CAMTA1: variants seen among roughly 807,000 people sequenced by gnomAD.
CAMTA1 encodes calmodulin-binding transcription activator 1.
Under a neutral mutation model 170.9 loss-of-function variants are expected in CAMTA1, and 27 were observed. The ratio of observed to expected loss-of-function variants is 0.16; its 90% CI spans 0.12 to 0.22. The LOEUF is 0.22. Ranked by LOEUF, CAMTA1 falls within the 10% of genes least tolerant of loss-of-function variation. The pLI is 1.00. For missense variants in CAMTA1, 1,619 were observed against 2,217.2 expected, an observed-to-expected ratio of 0.73 and a Z score of 5.42; for synonymous variants, 833 against 891.5, an observed-to-expected ratio of 0.93 and a Z score of 1.17.
intron 3 of CAMTA1, among the ~76,000 whole-genome samples, chr1:6,926,616 CTTT>C (rs1683318889): frequency 7.4e-6 from 1 of 135,386 alleles, no homozygotes; most frequent in Non-Finnish European, 1.6e-5. Flanking sequence ...CTCATTCTTT[CTTT>C]CTCCCCTCCC....
chr1:7,411,349 C>T (rs1400506598), intron 5 of CAMTA1, among the ~76,000 whole-genome samples: 1 of 152,124 alleles, frequency 6.6e-6, no homozygotes, highest in Non-Finnish European at 1.5e-5. Context: ...ACCATCCTGG[C>T]CAACATGGTG....
chr1:7,418,991 C>A (rs1396740239), intron 5 of CAMTA1, among the ~76,000 whole-genome samples: 2 of 152,196 alleles, frequency 1.3e-5, no homozygotes, highest in Non-Finnish European at 2.9e-5. Context: ...AACCCTGCAG[C>A]AGCTCCTGCC....
chr1:7,416,729 TTTGA>T (rs2091206264), intron 5 of CAMTA1, among the ~76,000 whole-genome samples: 1 of 152,212 alleles, frequency 6.6e-6, no homozygotes, highest in African/African-American at 2.4e-5. Flanking sequence ...CTCGGAGTAG[TTTGA>T]TTGTCTGAAG....
intron 4 of CAMTA1, among the ~76,000 whole-genome samples, chr1:7,149,538 T>C (rs1317925331): frequency 6.6e-6 from 1 of 152,212 alleles, no homozygotes; most frequent in Non-Finnish European, 1.5e-5. Context: ...GCTTCACCTT[T>C]GGGCCTGGGA....
Position 7,306,187 on chromosome 1 carries a change from T to C in CAMTA1, c.438+56561T>C, listed in dbSNP as rs187164178. 5.3e-5 allele frequency among the ~76,000 whole-genome samples: 8 copies of C among 152,156 alleles called. No individual in the cohort carries two copies. In the East Asian group the frequency reaches 1.5e-3, roughly 29 times the overall value. On this transcript the variant is annotated intron_variant, in intron 5 of 22. Transcript: ENST00000303635. Reference sequence around the variant, plus strand: ...TGTTTTTGGTTTTATGTCTAGCAAATATTTGCTTAACTCCAGGTCACAGAT... The same window carrying C: ...TGTTTTTGGTTTTATGTCTAGCAAACATTTGCTTAACTCCAGGTCACAGAT...
chr1:7,235,269 C>T (rs1029564817), intron 4 of CAMTA1, among the ~76,000 whole-genome samples: 16 of 152,050 alleles, frequency 1.1e-4, no homozygotes, highest in African/African-American at 3.1e-4. Flanking sequence ...AGCGAGGATT[C>T]GATGAGACTG....
intron 11 of CAMTA1, among the ~76,000 whole-genome samples, chr1:7,707,033 C>T (rs954948563): frequency 8.6e-5 from 13 of 151,782 alleles, no homozygotes; most frequent in Admixed American, 3.3e-4. Context: ...ACTACAGGTG[C>T]GCGCCACCAT....
intron 5 of CAMTA1, among the ~76,000 whole-genome samples, chr1:7,294,649 C>T (rs536615921): frequency 6.6e-6 from 1 of 152,328 alleles, no homozygotes; most frequent in African/African-American, 2.4e-5. Context: ...CATTCTGGTC[C>T]CTGGAGTAGT....
chr1:6,858,494 G>GT (rs1420942816), intron 3 of CAMTA1, among the ~76,000 whole-genome samples: 2 of 144,850 alleles, frequency 1.4e-5, no homozygotes, highest in East Asian at 4.0e-4. Flanking sequence ...GTTGGGGGGG[G>GT]GGTGTTGTGA....
At chr1:7,091,174 T>C in intron 3 of CAMTA1, 130 bp from the exon 4 acceptor site, 1 of 701,902 alleles carries the variant, frequency 1.4e-6, no homozygotes, top group Non-Finnish European at 2.6e-6. Flanking sequence ...AGTCGAGTAT[T>C]TCTCTAGCAG....
intron 6 of CAMTA1, among the ~76,000 whole-genome samples, chr1:7,566,855 A>G (rs914445115): frequency 2.0e-5 from 3 of 152,234 alleles, no homozygotes; most frequent in Admixed American, 6.5e-5. Flanking sequence ...AGCATTTCAC[A>G]TGCTGCCAGA....
intron 1 of CAMTA1, among the ~76,000 whole-genome samples, chr1:6,802,982 C>T (rs749070404): frequency 2.0e-5 from 3 of 152,166 alleles, no homozygotes; most frequent in Non-Finnish European, 2.9e-5. Flanking sequence ...TTGGCCAGCT[C>T]AAGCAATCCA....
chr1:7,322,836 A>G (rs1475195461), intron 5 of CAMTA1, among the ~76,000 whole-genome samples: 1 of 152,176 alleles, frequency 6.6e-6, no homozygotes, highest in Admixed American at 6.5e-5. Context: ...AGACTTTTCA[A>G]AGAATCAGCT....
chr1:7,531,171 T>TGGGA lies in CAMTA1; in HGVS notation c.510+63287_510+63290dup, dbSNP rs1310733842. Among the ~76,000 whole-genome samples, 7 of 110,994 alleles carry TGGGA rather than the reference T, an allele frequency of 6.3e-5. No homozygotes were observed. In the East Asian group the frequency reaches 9.2e-4, roughly 15 times the overall value. The allele number at this position is 110,994 out of a possible 152,430, so 72.8% of individuals were successfully genotyped here. A position where few individuals can be genotyped will look rare whatever the true frequency, so the allele number is the denominator to read the frequency against. On this transcript the variant is annotated intron_variant, in intron 6 of 22. Coordinates refer to ENST00000303635, the MANE Select transcript of CAMTA1 (RefSeq NM_015215.4). The stretch of plus-strand genomic sequence containing the variant: ...TAAGATGAAGGGATGGAAGCATGGA[T>TGGGA]GGGAGGGAGGGAGGGAGGGAAGGAG...
intron 4 of CAMTA1, among the ~76,000 whole-genome samples, chr1:7,137,490 C>G (rs1246858149): frequency 6.6e-6 from 1 of 152,158 alleles, no homozygotes; most frequent in East Asian, 1.9e-4. Flanking sequence ...GCTAACTGGT[C>G]TTATTTTAAA....
rs1644038069 is a variant in CAMTA1, at chr1:7,111,526, A to G, written c.302+20155A>G. 2.6e-5 allele frequency among the ~76,000 whole-genome samples: 4 copies of G among 152,346 alleles called. No homozygotes were observed. In the South Asian group the frequency reaches 8.3e-4, roughly 32 times the overall value. On this transcript the variant is annotated intron_variant, in intron 4 of 22. Coordinates refer to ENST00000303635, the MANE Select transcript of CAMTA1 (RefSeq NM_015215.4). The stretch of plus-strand genomic sequence containing the variant: ...ACTCTGCCATCTGTGAGTTCAGAGA[A>G]TGGTGTTGGACACATGACGGCTGAT...
intron 3 of CAMTA1, among the ~76,000 whole-genome samples, chr1:6,984,078 A>G (rs1170034995): frequency 3.3e-5 from 5 of 150,034 alleles, no homozygotes; most frequent in Non-Finnish European, 5.9e-5. Context: ...GGATGGGTGG[A>G]TAGATGGATG....
At chr1:7,402,316 C>T (rs895639583) in intron 5 of CAMTA1, among the ~76,000 whole-genome samples, 2 of 152,202 alleles carry the variant, frequency 1.3e-5, no homozygotes, top group Admixed American at 6.5e-5. Context: ...ACTCTCCCAA[C>T]CCAAAAGTAC....
chr1:7,484,511 C>T (rs138206892), intron 6 of CAMTA1, among the ~76,000 whole-genome samples: 4,518 of 152,246 alleles, frequency 0.03, 120 homozygotes, highest in African/African-American at 0.069. Context: ...CAATCGTGGC[C>T]GGGCACGGTG....
Sources: allele counts gnomAD v4.1 joint callset (sites outside exome capture counted in the v4.1 genomes callset), GRCh38; gene constraint gnomAD v4.1.1; transcripts MANE v1.5; gene names NCBI Gene and HGNC (gene_info 2026-07-23, HGNC 2026-07-21).